The following JMJD1C variants were observed in gnomAD, a reference collection of about 807,000 sequenced individuals.
JMJD1C encodes the protein jumonji domain containing 1C, also known as jumonji domain-containing protein 1C.
Under a neutral mutation model 245.3 loss-of-function variants are expected in JMJD1C, and 31 were observed. The observed-to-expected ratio is 0.13, with a 90% CI of 0.09 to 0.17. The LOEUF is 0.17. Ranked by LOEUF, JMJD1C falls within the 10% of genes least tolerant of loss-of-function variation. The probability of loss-of-function intolerance (pLI) is 1.00; values close to 1 mark genes in which losing one functional copy is unlikely to be tolerated. For missense variants in JMJD1C, 2,691 were observed against 3,000.2 expected, an observed-to-expected ratio of 0.90 and a Z score of 2.41; for synonymous variants, 1,057 against 1,017.4, an observed-to-expected ratio of 1.04 and a Z score of -0.74.
At chr10:63,374,687 A>G (rs978296048) in intron 2 of JMJD1C, among the ~76,000 whole-genome samples, 2 of 152,246 alleles carry the variant, frequency 1.3e-5, no homozygotes, top group Non-Finnish European at 2.9e-5. Context: ...ACTGGAAACT[A>G]CAATGTCAAA....
chr10:63,457,816 CCT>C, intron 1 of JMJD1C, among the ~76,000 whole-genome samples: 1 of 152,126 alleles, frequency 6.6e-6, no homozygotes, highest in Non-Finnish European at 1.5e-5. Context: ...AAATTCCTGC[CCT>C]GACACTTACT....
upstream of JMJD1C, among the ~76,000 whole-genome samples, chr10:63,470,193 G>A (rs943320615): frequency 2.0e-5 from 3 of 151,904 alleles, no homozygotes; most frequent in Non-Finnish European, 4.4e-5. Context: ...GCTCCATAAG[G>A]CATCTTTGTC....
chr10:63,444,090 A>G (rs1951549215), intron 1 of JMJD1C, among the ~76,000 whole-genome samples: 1 of 152,194 alleles, frequency 6.6e-6, no homozygotes. Context: ...ATATTTATAC[A>G]TTCAAAACAT....
intron 10 of JMJD1C, chr10:63,202,340 T>G (rs961656294): frequency 2.0e-6 from 2 of 984,684 alleles, no homozygotes; most frequent in Non-Finnish European, 2.4e-6. Flanking sequence ...GCACCCATAT[T>G]AATGTATCTA....
chr10:63,458,245 G>A (rs185134755), intron 1 of JMJD1C, among the ~76,000 whole-genome samples: 1 of 152,218 alleles, frequency 6.6e-6, no homozygotes, highest in East Asian at 1.9e-4. Flanking sequence ...AACACTTTGG[G>A]AGTCTGAAGG....
At chr10:63,379,551 A>G (rs1298437924) in intron 2 of JMJD1C, among the ~76,000 whole-genome samples, 2 of 152,232 alleles carry the variant, frequency 1.3e-5, no homozygotes, top group Non-Finnish European at 2.9e-5. Flanking sequence ...CTGAATAATT[A>G]CACATTAAAC....
At chr10:63,337,215 C>T (rs986724568) in intron 2 of JMJD1C, among the ~76,000 whole-genome samples, 3 of 151,352 alleles carry the variant, frequency 2.0e-5, no homozygotes, top group African/African-American at 4.9e-5. Context: ...GAGACCGGCA[C>T]GGGCACCACT....
intron 1 of JMJD1C, among the ~76,000 whole-genome samples, chr10:63,501,788 C>A (rs1458096108): frequency 6.6e-6 from 1 of 151,742 alleles, no homozygotes; most frequent in Non-Finnish European, 1.5e-5. Context: ...AAAAAAAGAA[C>A]AAAACAAAAC....
At chr10:63,360,325 C>T (rs1397310319) in intron 2 of JMJD1C, among the ~76,000 whole-genome samples, 10 of 152,098 alleles carry the variant, frequency 6.6e-5, no homozygotes, top group Non-Finnish European at 1.5e-4. Context: ...CATGCCACTG[C>T]ATTTCAGCCT....
At chr10:63,455,879 A>G (rs536188424) in intron 1 of JMJD1C, among the ~76,000 whole-genome samples, 2 of 152,280 alleles carry the variant, frequency 1.3e-5, no homozygotes, top group East Asian at 1.9e-4. Flanking sequence ...AAAATAAATG[A>G]TATTTTAATT....
chr10:63,498,750 T>G (rs557672185), intron 1 of JMJD1C, among the ~76,000 whole-genome samples: 11 of 152,290 alleles, frequency 7.2e-5, no homozygotes, highest in African/African-American at 2.2e-4. Context: ...ATCTACCTTC[T>G]TAACAAATGT....
At chr10:63,365,415 T>G (rs973449626) in intron 2 of JMJD1C, among the ~76,000 whole-genome samples, 54 of 152,344 alleles carry the variant, frequency 3.5e-4, no homozygotes, top group African/African-American at 1.2e-3. Flanking sequence ...CTTTTAAGAC[T>G]TTTCCTGAAA....
chr10:63,334,801 C>T (rs777693562), intron 2 of JMJD1C, among the ~76,000 whole-genome samples: 13 of 151,506 alleles, frequency 8.6e-5, no homozygotes, highest in East Asian at 6.0e-4. Flanking sequence ...CTCCACCTCC[C>T]GGGTTCAAAC....
rs552107329 is a variant in JMJD1C at position 63,473,689 on chromosome 10, T to C, written n.113+48049A>G. Among the ~76,000 whole-genome samples the C allele has an allele frequency of 3.3e-4, 50 of 152,358 alleles. No individual in the cohort carries two copies. In the South Asian group the frequency reaches 0.01, roughly 32 times the overall value. On this transcript the variant is annotated intron_variant and non_coding_transcript_variant, in intron 1 of 3. Coordinates refer to the JMJD1C transcript ENST00000633035. ...GAATTTTCTTTCGCTACTTAAATCA[T>C]TTATGTATATCTGGTAAATTATGAC...
chr10:63,415,356 T>C (rs896621618), intron 1 of JMJD1C, among the ~76,000 whole-genome samples: 2 of 152,176 alleles, frequency 1.3e-5, no homozygotes, highest in African/African-American at 4.8e-5. Context: ...ATATGAAAGA[T>C]TAACTATTAT....
chr10:63,245,407 G>A (rs934585550), intron 3 of JMJD1C, among the ~76,000 whole-genome samples: 2 of 150,492 alleles, frequency 1.3e-5, no homozygotes, highest in African/African-American at 4.9e-5. Context: ...TATGGCAGAA[G>A]GCAAGGAGGA....
intron 1 of JMJD1C, among the ~76,000 whole-genome samples, chr10:63,408,768 A>G (rs1447185624): frequency 1.3e-5 from 2 of 152,012 alleles, no homozygotes; most frequent in Admixed American, 6.5e-5. Context: ...AGAATAAACT[A>G]AGACAAGAAA....
chr10:63,194,552 G>A (rs1410521216), intron 13 of JMJD1C, 177 bp from the exon 14 acceptor site: 1 of 478,994 alleles, frequency 2.1e-6, no homozygotes, highest in East Asian at 3.1e-5. Flanking sequence ...TTAGATGTTT[G>A]GTTCTGAAAC....
chr10:63,462,504 G>A (rs927692998), intron 1 of JMJD1C, among the ~76,000 whole-genome samples: 1 of 152,130 alleles, frequency 6.6e-6, no homozygotes. Context: ...CATGGCAAAG[G>A]AGAATTAAAG....
Sources: gnomAD v4.1 joint callset for allele counts (sites outside exome capture counted in the v4.1 genomes callset) on GRCh38, gnomAD v4.1.1 for gene constraint, MANE v1.5 for transcripts, NCBI Gene and HGNC (gene_info 2026-07-23, HGNC 2026-07-21) for gene names.